Variants in CALCRL observed in about 807,000 individuals in gnomAD.
The protein encoded by CALCRL is calcitonin receptor like receptor, also known as calcitonin gene-related peptide type 1 receptor.
CALCRL carries 27 observed loss-of-function variants against 60.4 expected under a neutral mutation model. The ratio of observed to expected loss-of-function variants is 0.45; its 90% CI spans 0.33 to 0.62. The LOEUF is 0.62. Among genes scored for constraint, CALCRL ranks in the 20% least tolerant of loss-of-function variants. The pLI, the probability that CALCRL is intolerant of heterozygous loss-of-function variation, is 0.03. For missense variants in CALCRL, 424 were observed against 540.7 expected (o/e 0.78, Z 2.14); for synonymous variants, 190 against 182.6 (o/e 1.04, Z -0.33).
chr2:187,444,498 A>C (rs2105915493), intron 1 of CALCRL, among the ~76,000 whole-genome samples: 1 of 151,678 alleles, frequency 6.6e-6, no homozygotes, highest in African/African-American at 2.4e-5. Context: ...TCAAAAGTAA[A>C]TACACTATTT....
intron 1 of CALCRL, among the ~76,000 whole-genome samples, chr2:187,408,968 A>C (rs1175370985): frequency 6.6e-6 from 1 of 152,190 alleles, no homozygotes; most frequent in Non-Finnish European, 1.5e-5. Flanking sequence ...TTTTAAAGGG[A>C]GCATGAATAA....
rs1162404194 is a variant in CALCRL, at chr2:187,343,542, A to G, written c.*2642T>C. On this transcript the variant is annotated 3_prime_UTR_variant, in exon 15 of 15. Coordinates refer to ENST00000392370, the MANE Select transcript of CALCRL (RefSeq NM_005795.6). ...TATACATTGGATTACATTTAAACAA[A>G]CACTGCATTCCAGAATGAATATTTT... 4 of 151,996 alleles carry G rather than the reference A, an allele frequency of 2.6e-5. No individual in the cohort carries two copies. The highest frequency in any genetic ancestry group is 5.9e-5 in the Non-Finnish European group (4 of 67,576). 9.4% of individuals were successfully genotyped at this position (151,996 alleles called of 1,614,324 possible).
At chr2:187,357,804 A>AAAC (rs1318972157) in intron 12 of CALCRL, among the ~76,000 whole-genome samples, 2 of 127,110 alleles carry the variant, frequency 1.6e-5, no homozygotes, top group Non-Finnish European at 1.6e-5. Flanking sequence ...ATAATAATAA[A>AAAC]AACAACAACA....
rs1686233983 is a variant in CALCRL at position 187,345,414 on chromosome 2, T to G, written c.*770A>C. On this transcript the variant is annotated 3_prime_UTR_variant, in exon 15 of 15. Transcript: ENST00000392370. ...CAGCTAGGAATTCCCTCCCACTGTTTGGTAAGACAGGAAGAGGTTGACAAG... is the reference window on the plus strand; with the variant it reads ...CAGCTAGGAATTCCCTCCCACTGTTGGGTAAGACAGGAAGAGGTTGACAAG... 1 of 152,282 alleles carries G rather than the reference T, an allele frequency of 6.6e-6. No individual in the cohort carries two copies. The highest frequency in any genetic ancestry group is 1.5e-5 in the Non-Finnish European group (1 of 67,852). 9.4% of individuals were successfully genotyped at this position (152,282 alleles called of 1,614,324 possible).
intron 1 of CALCRL, among the ~76,000 whole-genome samples, chr2:187,413,069 C>G (rs978256404): frequency 6.6e-6 from 1 of 152,070 alleles, no homozygotes; most frequent in South Asian, 2.1e-4. Context: ...AAGGATTTAT[C>G]TCTGTACGTT....
At chr2:187,372,151 C>T (rs1026022835) in intron 8 of CALCRL, among the ~76,000 whole-genome samples, 1 of 151,588 alleles carries the variant, frequency 6.6e-6, no homozygotes, top group South Asian at 2.1e-4. Flanking sequence ...AAAAACAAAC[C>T]AACAACATTT....
At chr2:187,409,673 A>T (rs1156923402) in intron 1 of CALCRL, among the ~76,000 whole-genome samples, 1 of 152,226 alleles carries the variant, frequency 6.6e-6, no homozygotes, top group Non-Finnish European at 1.5e-5. Context: ...TAGGGGAGAC[A>T]GGTATTAATC....
intron 1 of CALCRL, among the ~76,000 whole-genome samples, chr2:187,420,010 T>TTGCTATTG (rs1689800309): frequency 1.3e-5 from 2 of 152,174 alleles, no homozygotes; most frequent in South Asian, 4.1e-4. Context: ...CAACCCCTAG[T>TTGCTATTG]TGCTATTGTC....
chr2:187,427,176 G>T (rs1690180726), intron 1 of CALCRL, among the ~76,000 whole-genome samples: 1 of 152,140 alleles, frequency 6.6e-6, no homozygotes, highest in Non-Finnish European at 1.5e-5. Flanking sequence ...AGGATAACTA[G>T]CTGGAAGCTT....
rs548233779 is a variant in CALCRL at position 187,403,610 on chromosome 2, C to G, written c.-292-15854G>C. 8.4e-4 allele frequency among the ~76,000 whole-genome samples: 127 copies of G among 151,942 alleles called. 1 individual carries two copies. The South Asian group carries it at 0.01, about 12-fold the overall frequency. On this transcript the variant is annotated intron_variant, in intron 1 of 14. Transcript: ENST00000392370. ...GTAACAAGGTGAACTGGATAAAGGG[C>G]AGAGTTTGCTAGGTACAAGGAACTA...
chr2:187,349,583 G>T (rs1559036207), intron 14 of CALCRL, among the ~76,000 whole-genome samples: 2 of 151,668 alleles, frequency 1.3e-5, no homozygotes, highest in South Asian at 2.1e-4. Context: ...AACAGGGATT[G>T]TATCTCCAGA....
chr2:187,380,322 CT>C (rs1217121855), intron 7 of CALCRL, 144 bp downstream of exon 7: 2 of 513,142 alleles, frequency 3.9e-6, no homozygotes, highest in African/African-American at 3.8e-5. Context: ...GGATATATTT[CT>C]TCTTTATTCT....
At chr2:187,410,822 T>C (rs915817404) in intron 1 of CALCRL, among the ~76,000 whole-genome samples, 6 of 152,066 alleles carry the variant, frequency 3.9e-5, no homozygotes, top group African/African-American at 1.4e-4. Flanking sequence ...GCCTTTGTAC[T>C]TTGGGATGAG....
chr2:187,371,065 AC>A (rs1247051169), intron 8 of CALCRL, among the ~76,000 whole-genome samples: 1 of 151,966 alleles, frequency 6.6e-6, no homozygotes, highest in Non-Finnish European at 1.5e-5. Flanking sequence ...ACACGGTGAA[AC>A]CCCGTCTCTA....
At chr2:187,352,824 T>C (rs1574208979) in intron 12 of CALCRL, among the ~76,000 whole-genome samples, 1 of 151,970 alleles carries the variant, frequency 6.6e-6, no homozygotes, top group East Asian at 1.9e-4. Context: ...CTGTTTCTTC[T>C]AGTAACAATA....
chr2:187,444,964 T>C (rs1409633341), intron 1 of CALCRL, among the ~76,000 whole-genome samples: 3 of 151,584 alleles, frequency 2.0e-5, no homozygotes, highest in African/African-American at 7.2e-5. Flanking sequence ...TGCATCATAA[T>C]ATTTTTGTAT....
chr2:187,345,146 A>G lies in CALCRL; in HGVS notation c.*1038T>C, dbSNP rs1686224641. 1 of 152,198 alleles carries G rather than the reference A, an allele frequency of 6.6e-6. No individual in the cohort carries two copies. The highest frequency in any genetic ancestry group is 1.9e-4 in the East Asian group (1 of 5,184). The allele number at this position is 152,198 out of a possible 1,614,324, so 9.4% of individuals were successfully genotyped here. A position where few individuals can be genotyped will look rare whatever the true frequency, so the allele number is the denominator to read the frequency against. On this transcript the variant is annotated 3_prime_UTR_variant, in exon 15 of 15. Transcript: ENST00000392370. ...TTTTATTTAAAAAATCAGCCCAGAT[A>G]CAGTATCAGATATTAACATACACAC...
chr2:187,366,249 C>CAAAAAAAAAAAAAAAAAAAAAAA (rs59586461), intron 8 of CALCRL, among the ~76,000 whole-genome samples: 6 of 94,630 alleles, frequency 6.3e-5, no homozygotes, highest in African/African-American at 2.7e-4. Context: ...GACTCCGTCT[C>CAAAAAAAAAAAAAAAAAAAAAAA]AAAAAAAAAA....
At chr2:187,426,545 T>C (rs755463783) in intron 1 of CALCRL, among the ~76,000 whole-genome samples, 1 of 152,082 alleles carries the variant, frequency 6.6e-6, no homozygotes, top group Non-Finnish European at 1.5e-5. Context: ...ACATTACCTA[T>C]TTATACCTCT....
Sources: allele counts gnomAD v4.1 joint callset (sites outside exome capture counted in the v4.1 genomes callset), GRCh38; gene constraint gnomAD v4.1.1; transcripts MANE v1.5; gene names NCBI Gene and HGNC (gene_info 2026-07-23, HGNC 2026-07-21).